Variants in EXOC4 observed in about 807,000 individuals in gnomAD.
EXOC4 encodes the protein exocyst complex component 4.
A neutral mutation model predicts 107.2 loss-of-function variants in EXOC4; 71 were observed. That is an observed-to-expected ratio of 0.66 (90% CI 0.55 to 0.81). The LOEUF (loss-of-function observed/expected upper bound fraction) is 0.81. EXOC4 is among the 30% of genes least tolerant of loss of function. The pLI, the probability that EXOC4 is intolerant of heterozygous loss-of-function variation, is 0.00. For missense variants in EXOC4, 1,108 were observed against 1,189.6 expected, an observed-to-expected ratio of 0.93 and a Z score of 1.01; for synonymous variants, 456 against 441.2, an observed-to-expected ratio of 1.03 and a Z score of -0.42.
chr7:133,749,962 T>G lies in EXOC4; in HGVS notation c.1515-67363T>G, dbSNP rs925237501. On this transcript the variant is annotated intron_variant, in intron 10 of 17. Coordinates refer to ENST00000253861, the MANE Select transcript of EXOC4 (RefSeq NM_021807.4). ...TCCTAAAGGTGGTTGGCAGTTTTTT[T>G]TTTTTTTTTTTTTTTTTTTTTTTAA... Among the ~76,000 whole-genome samples the G allele has an allele frequency of 3.5e-5, 5 of 144,270 alleles. No individual in the cohort carries two copies. In the South Asian group the frequency reaches 6.8e-4, roughly 20 times the overall value. 94.6% of individuals were successfully genotyped at this position (144,270 alleles called of 152,430 possible).
At chr7:133,425,381 G>A (rs757574381) in intron 7 of EXOC4, among the ~76,000 whole-genome samples, 1 of 152,122 alleles carries the variant, frequency 6.6e-6, no homozygotes, top group African/African-American at 2.4e-5. Flanking sequence ...TCTGCCTACC[G>A]GTTCAAGCGA....
rs546069891 is a variant in EXOC4, at chr7:133,786,166, G to A, written c.1515-31159G>A. ...TTTTTGGAGGACACTAGAATGTCTC[G>A]TAGAATCTAACCCTTTGGAAGGACA... On this transcript the variant is annotated intron_variant, in intron 10 of 17. Transcript: ENST00000253861. Among the ~76,000 whole-genome samples, 269 of 152,262 alleles carry A rather than the reference G, an allele frequency of 1.8e-3. 1 individual carries two copies. Among genetic ancestry groups the A allele is most frequent in the Non-Finnish European group, 2.7e-3 (185 of 68,014 alleles).
At position 133,941,066 on chromosome 7, in the gene EXOC4, C is replaced by T. The variant is rs189213722; in HGVS notation, c.2206+2997C>T. ...ATGGATTCATGCAGTGGCGCGATCTCGGCTCACTGCAGCCTCTGCTTCCCA... is the reference window on the plus strand; with the variant it reads ...ATGGATTCATGCAGTGGCGCGATCTTGGCTCACTGCAGCCTCTGCTTCCCA... On this transcript the variant is annotated intron_variant, in intron 14 of 17. Transcript: ENST00000253861. Among the ~76,000 whole-genome samples the T allele has an allele frequency of 3.5e-3, 534 of 151,168 alleles. 1 individual carries two copies. The highest frequency in any genetic ancestry group is 6.1e-3 in the Non-Finnish European group (413 of 67,820).
At chr7:133,314,505 A>G (rs1794945773) in intron 4 of EXOC4, among the ~76,000 whole-genome samples, 1 of 152,214 alleles carries the variant, frequency 6.6e-6, no homozygotes, top group Admixed American at 6.5e-5. Context: ...TGGCTCTGAT[A>G]ATAAAATCAG....
intron 14 of EXOC4, among the ~76,000 whole-genome samples, chr7:133,947,647 C>G (rs1270806055): frequency 1.3e-5 from 2 of 152,106 alleles, no homozygotes; most frequent in African/African-American, 2.4e-5. Flanking sequence ...AAAGCAGTAC[C>G]CCACCCCCCT....
chr7:133,271,219 C>G (rs1409321026), intron 1 of EXOC4, among the ~76,000 whole-genome samples: 1 of 152,080 alleles, frequency 6.6e-6, no homozygotes, highest in Non-Finnish European at 1.5e-5. Context: ...CGCCTGGCCT[C>G]TTTCATGCTT....
At chr7:133,640,640 C>T (rs1017151144) in intron 10 of EXOC4, among the ~76,000 whole-genome samples, 4 of 152,120 alleles carry the variant, frequency 2.6e-5, no homozygotes, top group Non-Finnish European at 5.9e-5. Context: ...ACATTCTCTT[C>T]ATGATGAATG....
At chr7:133,881,970 C>G (rs1798975744) in intron 11 of EXOC4, among the ~76,000 whole-genome samples, 1 of 152,118 alleles carries the variant, frequency 6.6e-6, no homozygotes, top group South Asian at 2.1e-4. Flanking sequence ...CATGTAACCA[C>G]CAACCAGATG....
chr7:133,704,895 T>A (rs1056263427), intron 10 of EXOC4, among the ~76,000 whole-genome samples: 9 of 152,300 alleles, frequency 5.9e-5, no homozygotes, highest in African/African-American at 1.9e-4. Flanking sequence ...GACTTTTGGA[T>A]TAGGGTTGCT....
At chr7:133,861,456 A>C (rs1425848431) in intron 11 of EXOC4, among the ~76,000 whole-genome samples, 1 of 152,158 alleles carries the variant, frequency 6.6e-6, no homozygotes, top group Non-Finnish European at 1.5e-5. Flanking sequence ...ACAAAAACGG[A>C]AACTCCTGGG....
chr7:133,616,775 C>A (rs914603765), intron 9 of EXOC4, among the ~76,000 whole-genome samples: 2 of 152,128 alleles, frequency 1.3e-5, no homozygotes, highest in Non-Finnish European at 2.9e-5. Context: ...CATTTAGAAT[C>A]TGCTAGAATT....
intron 7 of EXOC4, among the ~76,000 whole-genome samples, chr7:133,417,028 A>G (rs533177141): frequency 1.3e-5 from 2 of 152,302 alleles, no homozygotes; most frequent in South Asian, 4.1e-4. Context: ...GGATTTAGAT[A>G]GTATGAATGA....
intron 11 of EXOC4, among the ~76,000 whole-genome samples, chr7:133,855,701 G>A (rs1563028909): frequency 1.3e-5 from 2 of 152,166 alleles, no homozygotes; most frequent in African/African-American, 2.4e-5. Flanking sequence ...GTAAGCCTTA[G>A]CCAGCTCCCC....
chr7:133,796,327 G>A (rs922752090), intron 10 of EXOC4, among the ~76,000 whole-genome samples: 3 of 152,196 alleles, frequency 2.0e-5, no homozygotes, highest in African/African-American at 7.2e-5. Context: ...GGTTGTGGGG[G>A]AAAGGCTCTG....
chr7:133,464,770 C>G (rs140512168), intron 7 of EXOC4, among the ~76,000 whole-genome samples: 60 of 143,960 alleles, frequency 4.2e-4, no homozygotes, highest in African/African-American at 1.5e-3. Context: ...TTAATTAACA[C>G]AACCAGTAGC....
chr7:133,814,443 C>T (rs1328902850), intron 10 of EXOC4, among the ~76,000 whole-genome samples: 1 of 152,092 alleles, frequency 6.6e-6, no homozygotes, highest in African/African-American at 2.4e-5. Flanking sequence ...TTAGGTTATT[C>T]CCAGTCTTTT....
intron 9 of EXOC4, among the ~76,000 whole-genome samples, chr7:133,618,212 A>G (rs1351315697): frequency 6.6e-6 from 1 of 151,854 alleles, no homozygotes; most frequent in Admixed American, 6.6e-5. Context: ...TGGCTGCATA[A>G]TATTCTAGTT....
At chr7:133,314,041 A>C (rs1794935534) in intron 4 of EXOC4, among the ~76,000 whole-genome samples, 1 of 152,128 alleles carries the variant, frequency 6.6e-6, no homozygotes, top group East Asian at 1.9e-4. Context: ...TAACGTTATA[A>C]TTTTTATTTT....
intron 11 of EXOC4, among the ~76,000 whole-genome samples, chr7:133,817,798 C>T (rs889492971): frequency 4.0e-5 from 6 of 151,672 alleles, no homozygotes; most frequent in Non-Finnish European, 7.4e-5. Context: ...CATTAACATG[C>T]AGGCAGTTCC....
Sources: allele counts gnomAD v4.1 joint callset (sites outside exome capture counted in the v4.1 genomes callset), GRCh38; gene constraint gnomAD v4.1.1; transcripts MANE v1.5; gene names NCBI Gene and HGNC (gene_info 2026-07-23, HGNC 2026-07-21).